SORCS3: variants seen among roughly 807,000 people sequenced by gnomAD.
The protein encoded by SORCS3 is VPS10 domain-containing receptor SorCS3.
A neutral mutation model predicts 146.3 loss-of-function variants in SORCS3; 57 were observed. That is an observed-to-expected ratio of 0.39 (90% CI 0.31 to 0.49). The LOEUF is 0.49. Among genes scored for constraint, SORCS3 ranks in the 20% least tolerant of loss-of-function variants. The pLI is 0.92. For synonymous variants in SORCS3, 653 were observed against 618.5 expected (o/e 1.06, Z -0.83); for missense variants, 1,341 against 1,575.5 (o/e 0.85, Z 2.52).
intron 3 of SORCS3, among the ~76,000 whole-genome samples, chr10:104,964,019 G>A (rs528552371): frequency 1.3e-5 from 2 of 151,946 alleles, no homozygotes; most frequent in Non-Finnish European, 2.9e-5. Flanking sequence ...CTCCAGCTTG[G>A]TGCAGGCCAT....
At chr10:104,974,590 T>G (rs1056374546) in intron 3 of SORCS3, among the ~76,000 whole-genome samples, 2 of 152,208 alleles carry the variant, frequency 1.3e-5, no homozygotes, top group Admixed American at 6.5e-5. Flanking sequence ...TACGTGTGTC[T>G]CTACACGTGA....
At chr10:104,660,635 C>G (rs550535048) in intron 1 of SORCS3, among the ~76,000 whole-genome samples, 81 of 152,142 alleles carry the variant, frequency 5.3e-4, no homozygotes, top group Admixed American at 2.6e-3. Context: ...TTTTCTGAGC[C>G]CTTCACATTT....
At chr10:104,689,087 C>T (rs924688909) in intron 1 of SORCS3, among the ~76,000 whole-genome samples, 1 of 152,206 alleles carries the variant, frequency 6.6e-6, no homozygotes, top group African/African-American at 2.4e-5. Flanking sequence ...GCATATGAGG[C>T]CCTGCATGAC....
chr10:105,253,273 G>A (rs1017139736), intron 23 of SORCS3, among the ~76,000 whole-genome samples: 1 of 152,050 alleles, frequency 6.6e-6, no homozygotes, highest in African/African-American at 2.4e-5. Flanking sequence ...TTTATTTCTG[G>A]GACTATGTGC....
At chr10:104,901,909 G>T (rs1055671533) in intron 2 of SORCS3, among the ~76,000 whole-genome samples, 18 of 152,126 alleles carry the variant, frequency 1.2e-4, no homozygotes, top group Admixed American at 1.1e-3. Context: ...GTTTTTGCAG[G>T]ACCTCAGTGG....
intron 2 of SORCS3, among the ~76,000 whole-genome samples, chr10:104,900,400 G>A (rs2018839497): frequency 6.6e-6 from 1 of 152,110 alleles, no homozygotes; most frequent in Non-Finnish European, 1.5e-5. Context: ...ATGGATTCCT[G>A]ACAAGTCTTT....
At chr10:104,990,586 C>T (rs546965316) in intron 4 of SORCS3, among the ~76,000 whole-genome samples, 1 of 152,248 alleles carries the variant, frequency 6.6e-6, no homozygotes, top group South Asian at 2.1e-4. Flanking sequence ...ACCCCTCCAA[C>T]TCCCCAGGCT....
At chr10:105,140,599 T>C (rs541764753) in intron 8 of SORCS3, among the ~76,000 whole-genome samples, 1 of 152,296 alleles carries the variant, frequency 6.6e-6, no homozygotes, top group Non-Finnish European at 1.5e-5. Context: ...AAGTGATGTT[T>C]AAGTTGATAC....
intron 3 of SORCS3, among the ~76,000 whole-genome samples, chr10:104,941,338 C>A (rs372683597): frequency 1.3e-5 from 2 of 152,242 alleles, no homozygotes; most frequent in South Asian, 4.2e-4. Context: ...ATTTGCACAC[C>A]TCTGATACCC....
intron 3 of SORCS3, among the ~76,000 whole-genome samples, chr10:104,963,512 T>A (rs915750414): frequency 1.4e-4 from 22 of 152,198 alleles, no homozygotes; most frequent in African/African-American, 4.8e-4. Context: ...GGTCTGTCCC[T>A]ATCTTTTTGA....
At chr10:104,893,544 T>C (rs1191602025) in intron 2 of SORCS3, among the ~76,000 whole-genome samples, 2 of 152,176 alleles carry the variant, frequency 1.3e-5, no homozygotes, top group East Asian at 3.9e-4. Flanking sequence ...TTTTCAATGT[T>C]TCTGACAGAT....
intron 9 of SORCS3, among the ~76,000 whole-genome samples, chr10:105,155,314 C>T (rs2056199176): frequency 6.6e-6 from 1 of 152,144 alleles, no homozygotes; most frequent in Non-Finnish European, 1.5e-5. Context: ...GGGCCACAGC[C>T]GCTCCCCAGG....
intron 3 of SORCS3, among the ~76,000 whole-genome samples, chr10:104,962,450 A>G (rs1403638019): frequency 2.0e-5 from 3 of 152,124 alleles, no homozygotes; most frequent in Non-Finnish European, 4.4e-5. Flanking sequence ...AAATCCATTC[A>G]GTGTATGGTG....
chr10:105,020,864 A>G (rs145342755), intron 4 of SORCS3, among the ~76,000 whole-genome samples: 2 of 152,268 alleles, frequency 1.3e-5, no homozygotes, highest in East Asian at 3.9e-4. Flanking sequence ...AGCCAGAAAG[A>G]TTTCCCTTCC....
rs1281448304 is a variant in SORCS3, at chr10:104,842,205, A to AT, written c.628-586dup. The stretch of plus-strand genomic sequence containing the variant: ...TGGGGTTCAATGATCTGCTTACTCC[A>AT]TAGTAGTGGGGGCAGGTGATACATG... On this transcript the variant is annotated intron_variant, in intron 1 of 26. Transcript: ENST00000369701. Among the ~76,000 whole-genome samples the AT allele has an allele frequency of 3.3e-5, 5 of 152,216 alleles. No homozygotes were observed. In the East Asian group the frequency reaches 7.7e-4, roughly 23 times the overall value.
chr10:104,915,416 G>C (rs74155065), intron 2 of SORCS3, among the ~76,000 whole-genome samples: 2,596 of 151,046 alleles, frequency 0.017, 68 homozygotes, highest in African/African-American at 0.059. Flanking sequence ...ATGACCTCAG[G>C]AGACAGCTGG....
chr10:104,925,869 C>T (rs979502728), intron 3 of SORCS3, among the ~76,000 whole-genome samples: 1 of 152,182 alleles, frequency 6.6e-6, no homozygotes, highest in Non-Finnish European at 1.5e-5. Flanking sequence ...TCCTATGCAG[C>T]TTATTTTATT....
chr10:104,908,389 C>T (rs1589545179), intron 2 of SORCS3, among the ~76,000 whole-genome samples: 2 of 152,136 alleles, frequency 1.3e-5, no homozygotes, highest in Non-Finnish European at 2.9e-5. Context: ...CCCTTGAGGA[C>T]AATACAATCA....
intron 6 of SORCS3, among the ~76,000 whole-genome samples, chr10:105,096,299 G>T (rs957786692): frequency 1.3e-5 from 2 of 152,116 alleles, no homozygotes; most frequent in Non-Finnish European, 2.9e-5. Context: ...ATCTGAGCTG[G>T]TTGAACTTTA....
Sources: gnomAD v4.1 joint callset for allele counts (sites outside exome capture counted in the v4.1 genomes callset) on GRCh38, gnomAD v4.1.1 for gene constraint, MANE v1.5 for transcripts, NCBI Gene and HGNC (gene_info 2026-07-23, HGNC 2026-07-21) for gene names.